ZBTB7C: variants seen among roughly 807,000 people sequenced by gnomAD.
The protein encoded by ZBTB7C is zinc finger and BTB domain containing 7C, also known as zinc finger and BTB domain-containing protein 7C.
In ZBTB7C, 8 loss-of-function variants were observed where a neutral mutation model predicts 25.7. The observed-to-expected ratio is 0.31, with a 90% CI of 0.18 to 0.56. The LOEUF is 0.56. ZBTB7C is among the 20% of genes least tolerant of loss of function. The pLI, the probability that ZBTB7C is intolerant of heterozygous loss-of-function variation, is 0.91. For synonymous variants in ZBTB7C, 394 were observed against 369.0 expected (o/e 1.07, Z -0.78); for missense variants, 824 against 855.2 (o/e 0.96, Z 0.46).
At chr18:48,139,268 CT>C (rs2040267072) in intron 3 of ZBTB7C, among the ~76,000 whole-genome samples, 2 of 152,158 alleles carry the variant, frequency 1.3e-5, no homozygotes, top group East Asian at 3.9e-4. Flanking sequence ...AGGAGGGGGT[CT>C]ATGAGGTAGA....
intron 3 of ZBTB7C, among the ~76,000 whole-genome samples, chr18:48,151,240 G>A (rs2040667971): frequency 1.3e-5 from 2 of 152,164 alleles, no homozygotes; most frequent in African/African-American, 4.8e-5. Context: ...TGCATAAAAT[G>A]TCACCAGTGG....
At chr18:48,384,404 G>C (rs2047700331) in intron 1 of ZBTB7C, among the ~76,000 whole-genome samples, 1 of 152,198 alleles carries the variant, frequency 6.6e-6, no homozygotes, top group Non-Finnish European at 1.5e-5. Flanking sequence ...AAGCTATATA[G>C]AGGCAGGAAG....
intron 2 of ZBTB7C, among the ~76,000 whole-genome samples, chr18:48,308,101 C>T (rs2045720072): frequency 6.6e-6 from 1 of 152,178 alleles, no homozygotes; most frequent in South Asian, 2.1e-4. Context: ...ACCCAAAAGA[C>T]ACCAGCCATG....
chr18:48,235,620 C>T (rs1487197059), intron 2 of ZBTB7C, among the ~76,000 whole-genome samples: 1 of 152,238 alleles, frequency 6.6e-6, no homozygotes, highest in African/African-American at 2.4e-5. Context: ...TTCTTAAATA[C>T]ATATTTTAGG....
chr18:48,356,874 C>A (rs1182456636), intron 1 of ZBTB7C, among the ~76,000 whole-genome samples: 1 of 152,226 alleles, frequency 6.6e-6, no homozygotes, highest in Non-Finnish European at 1.5e-5. Context: ...TCTCAGCCCC[C>A]ACAGCACCCA....
chr18:48,091,238 ATTTTTTT>A (rs35051690), intron 3 of ZBTB7C, among the ~76,000 whole-genome samples: 110 of 64,672 alleles, frequency 1.7e-3, no homozygotes, highest in Middle Eastern at 0.012. Flanking sequence ...TGCCCGGATA[ATTTTTTT>A]TTTTTTTTTT....
chr18:48,363,111 A>T (rs2047146862), intron 1 of ZBTB7C, among the ~76,000 whole-genome samples: 1 of 152,224 alleles, frequency 6.6e-6, no homozygotes, highest in African/African-American at 2.4e-5. Context: ...CGAATGAATT[A>T]ATCCATGTAA....
intron 3 of ZBTB7C, among the ~76,000 whole-genome samples, chr18:48,049,250 A>G (rs971208395): frequency 1.3e-5 from 2 of 152,190 alleles, no homozygotes; most frequent in African/African-American, 2.4e-5. Context: ...AGGAACATGA[A>G]GTGCTGGTGT....
intron 2 of ZBTB7C, among the ~76,000 whole-genome samples, chr18:48,284,548 C>G (rs756904879): frequency 6.6e-6 from 1 of 152,044 alleles, no homozygotes; most frequent in Non-Finnish European, 1.5e-5. Context: ...AATCCCAGCA[C>G]TTTGGGAGGC....
chr18:48,367,175 T>TTATATATATATATATATATATATATATA (rs71165321), intron 1 of ZBTB7C, among the ~76,000 whole-genome samples: 2 of 62,276 alleles, frequency 3.2e-5, no homozygotes, highest in Non-Finnish European at 3.1e-5. Flanking sequence ...TCCCCAAGTT[T>TTATATATATATATATATATATATATATA]TATATATATA....
chr18:48,358,353 A>G (rs1408541068), intron 1 of ZBTB7C, among the ~76,000 whole-genome samples: 1 of 151,834 alleles, frequency 6.6e-6, no homozygotes, highest in East Asian at 1.9e-4. Flanking sequence ...CTCCACTTCA[A>G]AAAAATAAAG....
chr18:48,227,279 G>A (rs1417563322), intron 2 of ZBTB7C, among the ~76,000 whole-genome samples: 1 of 152,192 alleles, frequency 6.6e-6, no homozygotes, highest in African/African-American at 2.4e-5. Context: ...TGCTGCTGCT[G>A]CAGCTGATTC....
intron 2 of ZBTB7C, among the ~76,000 whole-genome samples, chr18:48,298,720 T>C (rs1157580555): frequency 6.6e-6 from 1 of 152,162 alleles, no homozygotes; most frequent in Non-Finnish European, 1.5e-5. Flanking sequence ...CTCTGGGGTA[T>C]AGTCTCCCTC....
chr18:48,227,368 A>G (rs573902006), intron 2 of ZBTB7C, among the ~76,000 whole-genome samples: 1 of 152,364 alleles, frequency 6.6e-6, no homozygotes, highest in Non-Finnish European at 1.5e-5. Flanking sequence ...CCTTCTGGGC[A>G]GGTACATTTC....
intron 3 of ZBTB7C, among the ~76,000 whole-genome samples, chr18:48,084,183 AG>A (rs1381471301): frequency 6.6e-6 from 1 of 152,120 alleles, no homozygotes. Context: ...AGAGAATGAA[AG>A]GTCTCAGGGA....
At chr18:48,404,957 T>C (rs897904268) in intron 1 of ZBTB7C, among the ~76,000 whole-genome samples, 1 of 152,232 alleles carries the variant, frequency 6.6e-6, no homozygotes, top group African/African-American at 2.4e-5. Context: ...TGTCCAGCCC[T>C]GACCTCTCCA....
chr18:48,277,794 G>A (rs999593120), intron 2 of ZBTB7C, among the ~76,000 whole-genome samples: 2 of 151,662 alleles, frequency 1.3e-5, no homozygotes, highest in African/African-American at 4.8e-5. Flanking sequence ...GAACAACAGA[G>A]TTCTAGGATT....
At chr18:48,253,076 A>G (rs2043915428) in intron 2 of ZBTB7C, among the ~76,000 whole-genome samples, 1 of 152,180 alleles carries the variant, frequency 6.6e-6, no homozygotes, top group African/African-American at 2.4e-5. Context: ...AGCAGTGCAA[A>G]GGCTGCTGGA....
At chr18:48,325,648 C>T (rs2046200154) in intron 2 of ZBTB7C, among the ~76,000 whole-genome samples, 1 of 152,144 alleles carries the variant, frequency 6.6e-6, no homozygotes, top group Non-Finnish European at 1.5e-5. Context: ...GCACAAGGCC[C>T]CAGGTTGGGA....
Sources: gnomAD v4.1 joint callset for allele counts (sites outside exome capture counted in the v4.1 genomes callset) on GRCh38, gnomAD v4.1.1 for gene constraint, MANE v1.5 for transcripts, NCBI Gene and HGNC (gene_info 2026-07-23, HGNC 2026-07-21) for gene names.